LINGO2: variants seen among roughly 807,000 people sequenced by gnomAD.
LINGO2 encodes the protein leucine-rich repeat and immunoglobulin-like domain-containing nogo receptor-interacting protein 2.
Under a neutral mutation model 30.6 loss-of-function variants are expected in LINGO2, and 14 were observed. That is an observed-to-expected ratio of 0.46 (90% CI 0.30 to 0.72). The LOEUF (loss-of-function observed/expected upper bound fraction) is 0.72. Among genes scored for constraint, LINGO2 ranks in the 30% least tolerant of loss-of-function variants. LINGO2 has a pLI of 0.07. For synonymous variants in LINGO2, 317 were observed against 288.5 expected (o/e 1.10, Z -1.00); for missense variants, 729 against 751.7 (o/e 0.97, Z 0.35).
intron 4 of LINGO2, among the ~76,000 whole-genome samples, chr9:28,167,097 G>A (rs1377402445): frequency 6.6e-6 from 1 of 151,860 alleles, no homozygotes; most frequent in East Asian, 1.9e-4. Flanking sequence ...GAGCCTCAAG[G>A]GAATGTATAT....
At chr9:28,429,343 A>T (rs966975712) in intron 2 of LINGO2, among the ~76,000 whole-genome samples, 6 of 152,190 alleles carry the variant, frequency 3.9e-5, no homozygotes, top group Admixed American at 3.9e-4. Context: ...TAGGGTAATA[A>T]CAAAGCCCTT....
chr9:29,036,853 A>G, the LINGO2 span, among the ~76,000 whole-genome samples: 6 of 152,004 alleles, frequency 3.9e-5, no homozygotes, highest in African/African-American at 1.4e-4. Context: ...GGTGAACATG[A>G]AACAATAAAG....
Position 28,567,780 on chromosome 9 carries a change from T to C in LINGO2, c.-364-91755A>G, listed in dbSNP as rs552460209. On this transcript the variant is annotated intron_variant, in intron 1 of 5. Transcript: ENST00000379992. ...TACTTATGGAACGAACCTGCACATG[T>C]ACTTCCTGAATCTAAAATAAATAAA... Among the ~76,000 whole-genome samples the C allele has an allele frequency of 2.0e-5, 3 of 149,476 alleles. No individual in the cohort carries two copies. In the South Asian group the frequency reaches 6.4e-4, roughly 32 times the overall value.
At chr9:28,490,981 A>T (rs1826371628) in intron 1 of LINGO2, among the ~76,000 whole-genome samples, 1 of 152,238 alleles carries the variant, frequency 6.6e-6, no homozygotes, top group African/African-American at 2.4e-5. Context: ...CCAAAGAGAA[A>T]ACAATGTATA....
chr9:28,708,964 A>G, the LINGO2 span, among the ~76,000 whole-genome samples: 1 of 152,130 alleles, frequency 6.6e-6, no homozygotes, highest in Non-Finnish European at 1.5e-5. Context: ...ATTGATAATA[A>G]TGACTATCAT....
the LINGO2 span, among the ~76,000 whole-genome samples, chr9:28,816,361 T>C: frequency 0.029 from 4,466 of 152,238 alleles, 221 homozygotes; most frequent in African/African-American, 0.097. Flanking sequence ...CTTGGGCAAA[T>C]TCATTTATCA....
the LINGO2 span, among the ~76,000 whole-genome samples, chr9:28,740,219 T>C: frequency 4.0e-5 from 6 of 151,830 alleles, no homozygotes; most frequent in Non-Finnish European, 8.8e-5. Flanking sequence ...CCAATAAATA[T>C]ATATTCTGCT....
chr9:28,826,583 G>A, the LINGO2 span, among the ~76,000 whole-genome samples: 1 of 152,144 alleles, frequency 6.6e-6, no homozygotes, highest in Non-Finnish European at 1.5e-5. Context: ...ATTGCTGGCT[G>A]TGTCAGTGAT....
chr9:28,362,809 T>C (rs2134516772), intron 3 of LINGO2, among the ~76,000 whole-genome samples: 1 of 152,310 alleles, frequency 6.6e-6, no homozygotes, highest in Non-Finnish European at 1.5e-5. Context: ...CTAATTCTTC[T>C]AGCAGTTAAG....
rs184113655 is a variant in LINGO2 at position 28,493,120 on chromosome 9, C to A, written c.-364-17095G>T. Among the ~76,000 whole-genome samples, 88 of 152,064 alleles carry A rather than the reference C, an allele frequency of 5.8e-4. 1 individual carries two copies. Among genetic ancestry groups the A allele is most frequent in the African/African-American group, 2.0e-3 (83 of 41,512 alleles). On this transcript the variant is annotated intron_variant, in intron 1 of 5. Transcript: ENST00000379992. ...CTCATCCACAGTCCTTAGTTTGTGG[C>A]GTTTGTCCTATTTTATTTCCAGGCG...
Position 28,463,218 on chromosome 9 carries a change from T to G in LINGO2, c.-279+12722A>C, listed in dbSNP as rs1162896695. On this transcript the variant is annotated intron_variant, in intron 2 of 5. Coordinates refer to ENST00000379992, the Ensembl canonical transcript of LINGO2. ...TTACCTAGATATGTAACATCACGTATTAAAGGAAAAATGACATTGTATAGG... is the reference window on the plus strand; with the variant it reads ...TTACCTAGATATGTAACATCACGTAGTAAAGGAAAAATGACATTGTATAGG... Among the ~76,000 whole-genome samples the G allele has an allele frequency of 3.9e-5, 6 of 152,118 alleles. No individual in the cohort carries two copies. The East Asian group carries it at 1.2e-3, about 29-fold the overall frequency.
the LINGO2 span, among the ~76,000 whole-genome samples, chr9:28,777,646 C>A: frequency 2.6e-5 from 4 of 152,250 alleles, no homozygotes; most frequent in African/African-American, 7.2e-5. Context: ...AAGAGAGGTG[C>A]AGGAATGTGC....
chr9:29,109,879 A>C, the LINGO2 span, among the ~76,000 whole-genome samples: 1 of 152,210 alleles, frequency 6.6e-6, no homozygotes, highest in Non-Finnish European at 1.5e-5. Context: ...AACAGATCAT[A>C]ATCTTTCAGC....
chr9:27,997,954 T>A (rs1197938), intron 5 of LINGO2, among the ~76,000 whole-genome samples: 4,783 of 92,724 alleles, frequency 0.052, 190 homozygotes, highest in African/African-American at 0.17. Flanking sequence ...AGCCTTTTTT[T>A]GGGGTGGGAG....
chr9:28,575,081 A>T (rs1268776657), intron 1 of LINGO2, among the ~76,000 whole-genome samples: 1 of 152,136 alleles, frequency 6.6e-6, no homozygotes, highest in Non-Finnish European at 1.5e-5. Context: ...TGGAGAACAT[A>T]ATCCTTCATG....
At chr9:28,275,267 G>A (rs1379956473) in intron 4 of LINGO2, among the ~76,000 whole-genome samples, 2 of 151,910 alleles carry the variant, frequency 1.3e-5, no homozygotes, top group Non-Finnish European at 2.9e-5. Context: ...TAGAGATGGG[G>A]TTTTACCGTG....
At chr9:28,673,482 C>T (rs1829098181), upstream of LINGO2, among the ~76,000 whole-genome samples, 1 of 152,032 alleles carries the variant, frequency 6.6e-6, no homozygotes, top group African/African-American at 2.4e-5. Flanking sequence ...GCCTGGCCAA[C>T]ACAGAGAAAC....
At chr9:29,145,846 T>C in the LINGO2 span, among the ~76,000 whole-genome samples, 1 of 152,210 alleles carries the variant, frequency 6.6e-6, no homozygotes, top group African/African-American at 2.4e-5. Flanking sequence ...TTTTAAATAA[T>C]TGCATATTAT....
the LINGO2 span, among the ~76,000 whole-genome samples, chr9:29,101,325 TAAG>T: frequency 6.6e-6 from 1 of 152,168 alleles, no homozygotes; most frequent in Non-Finnish European, 1.5e-5. Flanking sequence ...GTTGGGGACT[TAAG>T]AAACTATTCA....
Sources: allele counts gnomAD v4.1 joint callset (sites outside exome capture counted in the v4.1 genomes callset), GRCh38; gene constraint gnomAD v4.1.1; transcripts MANE v1.5; gene names NCBI Gene and HGNC (gene_info 2026-07-23, HGNC 2026-07-21).